LATS2: variants seen among roughly 807,000 people sequenced by gnomAD.
LATS2 encodes large tumor suppressor kinase 2.
Under a neutral mutation model 76.0 loss-of-function variants are expected in LATS2, and 24 were observed. That is an observed-to-expected ratio of 0.32 (90% CI 0.23 to 0.44). The LOEUF is 0.44. LATS2 is among the 20% of genes least tolerant of loss of function. The probability of loss-of-function intolerance (pLI) is 1.00; values close to 1 mark genes in which losing one functional copy is unlikely to be tolerated. For missense variants in LATS2, 1,286 were observed against 1,481.2 expected, an observed-to-expected ratio of 0.87 and a Z score of 2.16; for synonymous variants, 692 against 635.4, an observed-to-expected ratio of 1.09 and a Z score of -1.34.
At position 20,989,196 on chromosome 13, in the gene LATS2, C is replaced by G. The variant is rs1302840936; in HGVS notation, c.584G>C (p.Ser195Thr). Residue 195 changes from serine to threonine, a missense_variant, in exon 4 of 8, where the codon AGC becomes ACC. Physicochemically the swap from Ser to Thr is moderately conservative, Grantham distance 58 (BLOSUM62 1). This residue lies in a region of LATS2 where 710 missense variants were observed against 660.9 expected (regional missense o/e 1.07). Coordinates refer to ENST00000382592, the MANE Select transcript of LATS2 (RefSeq NM_014572.3). ...QLSGTPYEGPSFGADGPTALE... is the reference protein window; with the variant it reads ...QLSGTPYEGPTFGADGPTALE... ...CGCCGTGGGGCCGTCAGCGCCGAAG[C>G]TTGGGCCCTCGTAGGGGGTACCGCT... 1 of 1,613,686 alleles carries G rather than the reference C, an allele frequency of 6.2e-7. No individual in the cohort carries two copies. Among genetic ancestry groups the G allele is most frequent in the Admixed American group, 1.7e-5 (1 of 60,024 alleles).
At chr13:21,008,220 C>T (rs1595231337) in intron 2 of LATS2, among the ~76,000 whole-genome samples, 2 of 152,078 alleles carry the variant, frequency 1.3e-5, no homozygotes, top group Admixed American at 1.3e-4. Context: ...ACTCGGGCAC[C>T]GCATCCAGGG....
intron 4 of LATS2, among the ~76,000 whole-genome samples, chr13:20,984,506 G>A (rs56222291): frequency 0.014 from 2,109 of 152,292 alleles, 21 homozygotes; most frequent in Non-Finnish European, 0.024. Context: ...TGTATATGGT[G>A]AGAGATAGGG....
chr13:21,059,047 G>A (rs956785280), intron 1 of LATS2, among the ~76,000 whole-genome samples: 2 of 151,920 alleles, frequency 1.3e-5, no homozygotes, highest in African/African-American at 2.4e-5. Flanking sequence ...TTAAGGGAAG[G>A]CCCCTCATCT....
chr13:20,981,805 T>A (rs763154528), intron 5 of LATS2, among the ~76,000 whole-genome samples, 157 bp from the exon 6 acceptor site: 6 of 152,188 alleles, frequency 3.9e-5, no homozygotes, highest in Non-Finnish European at 8.8e-5. Flanking sequence ...AGCTGCTCCA[T>A]AGGGGCAGCC....
chr13:21,016,424 T>C (rs564370720), intron 2 of LATS2, among the ~76,000 whole-genome samples: 30 of 152,102 alleles, frequency 2.0e-4, no homozygotes, highest in Admixed American at 7.2e-4. Context: ...ACTGGGATTA[T>C]AGGTACATAC....
At chr13:21,060,571 C>G (rs1320551264) in intron 1 of LATS2, among the ~76,000 whole-genome samples, 2 of 152,040 alleles carry the variant, frequency 1.3e-5, no homozygotes, top group Non-Finnish European at 2.9e-5. Flanking sequence ...ACGGCGCCCC[C>G]AGGGTCCGGT....
At chr13:21,057,791 C>A (rs554129253) in intron 1 of LATS2, among the ~76,000 whole-genome samples, 1 of 133,826 alleles carries the variant, frequency 7.5e-6, no homozygotes, top group East Asian at 2.2e-4. Context: ...CAGAGCGAGA[C>A]TCCATCTCAA....
chr13:21,049,367 C>T lies in LATS2; in HGVS notation c.-204-3137G>A, dbSNP rs564321959. On this transcript the variant is annotated intron_variant, in intron 1 of 7. Transcript: ENST00000382592. ...ACTTCTGGGTGAGGAGCAGCAGCCC[C>T]GGGGAGCAAGGGGAAGGGGTTTCAG... Among the ~76,000 whole-genome samples, 17 of 152,150 alleles carry T rather than the reference C, an allele frequency of 1.1e-4. No homozygotes were observed. The East Asian group carries it at 2.5e-3, about 23-fold the overall frequency.
intron 2 of LATS2, among the ~76,000 whole-genome samples, chr13:21,014,444 A>G (rs1871720185): frequency 1.3e-5 from 2 of 152,254 alleles, no homozygotes; most frequent in African/African-American, 4.8e-5. Context: ...ATCCTGAAGT[A>G]TGAATAAAGC....
chr13:21,045,279 A>G (rs79405078), intron 2 of LATS2, among the ~76,000 whole-genome samples: 56 of 150,442 alleles, frequency 3.7e-4, no homozygotes, highest in East Asian at 2.7e-3. Flanking sequence ...CATTTCTAGG[A>G]AAAAAAAAAT....
intron 4 of LATS2, among the ~76,000 whole-genome samples, chr13:20,985,996 A>G (rs112485967): frequency 0.063 from 9,621 of 152,218 alleles, 996 homozygotes; most frequent in African/African-American, 0.21. Context: ...GTGAGCTGAG[A>G]TCGTGCCATT....
Position 20,991,470 on chromosome 13 carries a change from TC to T in LATS2, c.343-67del. 6.3e-7 allele frequency: 1 copy of T among 1,585,432 alleles called. No individual in the cohort carries two copies. Among genetic ancestry groups the T allele is most frequent in the African/African-American group, 1.3e-5 (1 of 74,580 alleles). ...AAAACAAAGCCACCAAAGACTCCCA[TC>T]CCCACTCCGTGCTGGACTGTGCTGG... On this transcript the variant is annotated intron_variant, in intron 2 of 7. Coordinates refer to ENST00000382592, the MANE Select transcript of LATS2 (RefSeq NM_014572.3). The surrounding 1 kb of genome is among the most constrained non-coding windows in gnomAD (Gnocchi z 4.9).
chr13:20,983,862 CA>C, intron 4 of LATS2, 56 bp from the exon 5 acceptor site: 1 of 1,385,066 alleles, frequency 7.2e-7, no homozygotes, highest in Non-Finnish European at 1.0e-6. Context: ...CCCATGATAA[CA>C]AATGACTGGG....
intron 2 of LATS2, among the ~76,000 whole-genome samples, chr13:21,017,413 G>A (rs916262344): frequency 4.0e-5 from 6 of 151,862 alleles, no homozygotes; most frequent in Admixed American, 2.6e-4. Context: ...GGCCTCAAGC[G>A]ATCCACCAGC....
At chr13:21,004,647 A>G (rs1321948776) in intron 2 of LATS2, among the ~76,000 whole-genome samples, 2 of 152,158 alleles carry the variant, frequency 1.3e-5, no homozygotes, top group African/African-American at 4.8e-5. Context: ...CCAACCTGGC[A>G]GGCACACATC....
chr13:21,032,660 G>C (rs185712819), intron 2 of LATS2, among the ~76,000 whole-genome samples: 2 of 152,258 alleles, frequency 1.3e-5, no homozygotes, highest in Admixed American at 6.5e-5. Context: ...ATGTGGCCCA[G>C]GGAAAAGATT....
chr13:20,979,732 G>A lies in LATS2; in HGVS notation c.2731C>T (p.Pro911Ser), dbSNP rs1869782663. Reference protein sequence around the residue: ...VILFEMLVGQPPFLAPTPTET... With the variant: ...VILFEMLVGQSPFLAPTPTET... ...GTGGGAGTAGGTGCCAAAAAGGGCG[G>A]CTGCCCCACCAGCATCTCGAAGAGA... The change falls in exon 7 of 8, where the codon CCG (proline) becomes TCG (serine). Residue 911 changes from proline (P) to serine (S), a missense_variant. Physicochemically the swap from Pro to Ser is moderately conservative, Grantham distance 74. Around this residue, in one of 5 missense-constraint regions of LATS2, gnomAD observed 210 missense variants for 234.9 expected, o/e 0.89. Transcript: ENST00000382592. The A allele has an allele frequency of 1.2e-6, 2 of 1,612,734 alleles. No individual in the cohort carries two copies. Among genetic ancestry groups the A allele is most frequent in the Non-Finnish European group, 1.7e-6 (2 of 1,179,100 alleles).
intron 2 of LATS2, among the ~76,000 whole-genome samples, chr13:21,044,939 GC>G (rs1295396522): frequency 2.0e-5 from 3 of 151,896 alleles, no homozygotes; most frequent in African/African-American, 7.3e-5. Flanking sequence ...TGTTGTCCAG[GC>G]TGGTCTCAAA....
chr13:21,050,139 G>C (rs8000042), intron 1 of LATS2, among the ~76,000 whole-genome samples: 470 of 15,540 alleles, frequency 0.03, 5 homozygotes, highest in Middle Eastern at 0.062. Context: ...TAGATAGATA[G>C]ATAGATAGAT....
Sources: allele counts gnomAD v4.1 joint callset (sites outside exome capture counted in the v4.1 genomes callset), GRCh38; gene constraint gnomAD v4.1.1; regional missense constraint gnomAD v4.1.1; non-coding constraint Gnocchi (gnomAD v3.1); transcripts MANE v1.5; gene names NCBI Gene and HGNC (gene_info 2026-07-23, HGNC 2026-07-21).